Variants in SPATA6 observed in about 807,000 individuals in gnomAD.
SPATA6 encodes spermatogenesis-associated protein 6.
SPATA6 carries 56 observed loss-of-function variants against 65.3 expected under a neutral mutation model. The ratio of observed to expected loss-of-function variants is 0.86; its 90% CI spans 0.69 to 1.07. SPATA6 has a LOEUF of 1.07. SPATA6 is among the 50% of genes least tolerant of loss of function. SPATA6 has a pLI of 0.00. For missense variants in SPATA6, 590 were observed against 594.8 expected, an observed-to-expected ratio of 0.99 and a Z score of 0.08; for synonymous variants, 199 against 213.2, an observed-to-expected ratio of 0.93 and a Z score of 0.58.
chr1:48,386,505 T>G (rs770367755), intron 8 of SPATA6, among the ~76,000 whole-genome samples: 15 of 152,186 alleles, frequency 9.9e-5, no homozygotes, highest in Non-Finnish European at 1.8e-4. Context: ...ATTGAATAGA[T>G]CAGCCAATAG....
chr1:48,367,108 G>T (rs536550758), intron 9 of SPATA6, among the ~76,000 whole-genome samples: 1 of 152,156 alleles, frequency 6.6e-6, no homozygotes, highest in Non-Finnish European at 1.5e-5. Context: ...GAGTGGTTTT[G>T]AGTGAGTTTC....
chr1:48,411,768 C>CT (rs1652257309), intron 4 of SPATA6, among the ~76,000 whole-genome samples, 180 bp from the exon 5 acceptor site: 1 of 151,956 alleles, frequency 6.6e-6, no homozygotes, highest in Non-Finnish European at 1.5e-5. Context: ...ACACATTTTC[C>CT]TTTTTCAGAA....
the SPATA6 span, among the ~76,000 whole-genome samples, chr1:48,281,010 G>T: frequency 6.6e-6 from 1 of 151,836 alleles, no homozygotes; most frequent in South Asian, 2.1e-4. Context: ...TCATCCCTGG[G>T]ATGCAAGGCT....
intron 9 of SPATA6, among the ~76,000 whole-genome samples, chr1:48,381,663 T>A (rs1352992311): frequency 7.1e-6 from 1 of 141,274 alleles, no homozygotes; most frequent in Admixed American, 7.1e-5. Flanking sequence ...TTTTTTTTTT[T>A]ATATGAATAG....
At chr1:48,373,734 T>C (rs886656545) in intron 9 of SPATA6, among the ~76,000 whole-genome samples, 2 of 152,166 alleles carry the variant, frequency 1.3e-5, no homozygotes, top group African/African-American at 2.4e-5. Flanking sequence ...ACTTCTTACA[T>C]GGCGGCAGCA....
chr1:48,457,012 C>T (rs1329724861), intron 1 of SPATA6, among the ~76,000 whole-genome samples: 1 of 152,176 alleles, frequency 6.6e-6, no homozygotes, highest in Non-Finnish European at 1.5e-5. Context: ...GGGAGGATAA[C>T]TTGAGGCCAG....
At chr1:48,414,723 A>G (rs1052705995) in intron 3 of SPATA6, among the ~76,000 whole-genome samples, 1 of 152,194 alleles carries the variant, frequency 6.6e-6, no homozygotes, top group Non-Finnish European at 1.5e-5. Flanking sequence ...TTACATTACT[A>G]AAAGCTCTTT....
intron 9 of SPATA6, among the ~76,000 whole-genome samples, chr1:48,375,763 A>C (rs1038319915): frequency 2.6e-5 from 4 of 152,144 alleles, no homozygotes; most frequent in African/African-American, 7.2e-5. Flanking sequence ...AGCTTCCTAC[A>C]TGTATACATA....
the SPATA6 span, among the ~76,000 whole-genome samples, chr1:48,287,012 C>T: frequency 7.2e-4 from 103 of 144,056 alleles, no homozygotes; most frequent in African/African-American, 2.6e-3. Context: ...GCACTCTTGC[C>T]TGGGTAACAA....
intron 5 of SPATA6, among the ~76,000 whole-genome samples, chr1:48,408,839 G>A (rs751349292): frequency 2.6e-5 from 4 of 152,084 alleles, no homozygotes; most frequent in Non-Finnish European, 4.4e-5. Flanking sequence ...TGAGAACAGC[G>A]TGAGAAAGAC....
At chr1:48,388,072 T>C (rs1292836131) in intron 8 of SPATA6, among the ~76,000 whole-genome samples, 1 of 151,922 alleles carries the variant, frequency 6.6e-6, no homozygotes, top group Non-Finnish European at 1.5e-5. Context: ...TGCACACCAC[T>C]CTGGAGCCCA....
intron 9 of SPATA6, among the ~76,000 whole-genome samples, chr1:48,366,080 A>C (rs1201575921): frequency 6.6e-6 from 1 of 152,166 alleles, no homozygotes; most frequent in Non-Finnish European, 1.5e-5. Flanking sequence ...GGTTCTGTTT[A>C]TATGCTGAAT....
chr1:48,394,706 C>CA (rs1341488783), intron 8 of SPATA6, among the ~76,000 whole-genome samples: 1 of 151,838 alleles, frequency 6.6e-6, no homozygotes, highest in Non-Finnish European at 1.5e-5. Context: ...ATGACTTTCT[C>CA]AGTATGTAGT....
the SPATA6 span, among the ~76,000 whole-genome samples, chr1:48,288,817 G>A: frequency 1.3e-5 from 2 of 152,232 alleles, no homozygotes; most frequent in South Asian, 2.1e-4. Flanking sequence ...CACCATTGCT[G>A]AGGCTTGAGT....
Position 48,472,149 on chromosome 1 carries a change from C to A in SPATA6, c.-141G>T. ...TGGCCCCCAGGCCGGGGCCCGCGGT[C>A]CAGCCTGGGTTCCGCCGGAGAAGCA... On this transcript the variant is annotated 5_prime_UTR_variant, in exon 1 of 13. Transcript: ENST00000371847. The A allele has an allele frequency of 1.6e-6, 1 of 634,436 alleles. No individual in the cohort carries two copies. Among genetic ancestry groups the A allele is most frequent in the East Asian group, 3.4e-5 (1 of 29,806 alleles). The allele number at this position is 634,436 out of a possible 1,614,324, so 39.3% of individuals were successfully genotyped here. A position where few individuals can be genotyped will look rare whatever the true frequency, so the allele number is the denominator to read the frequency against.
intron 8 of SPATA6, among the ~76,000 whole-genome samples, chr1:48,389,088 G>A (rs1481281187): frequency 6.6e-6 from 1 of 151,978 alleles, no homozygotes; most frequent in African/African-American, 2.4e-5. Flanking sequence ...CAAGTGATCT[G>A]CCTGCCTCGG....
At chr1:48,445,659 CAAAAAAAAAAAAAA>C (rs10632587) in intron 3 of SPATA6, among the ~76,000 whole-genome samples, 2 of 51,288 alleles carry the variant, frequency 3.9e-5, no homozygotes, top group African/African-American at 1.2e-4. Context: ...GACTCTGTCT[CAAAAAAAAAAAAAA>C]AAAAAAAAAA....
intron 11 of SPATA6, among the ~76,000 whole-genome samples, chr1:48,310,866 A>G (rs1287079074): frequency 1.3e-5 from 2 of 152,224 alleles, no homozygotes; most frequent in Non-Finnish European, 2.9e-5. Flanking sequence ...AACTGAAATC[A>G]TACAAAATAT....
At chr1:48,300,537 A>C (rs1221521719) in intron 12 of SPATA6, among the ~76,000 whole-genome samples, 2 of 152,180 alleles carry the variant, frequency 1.3e-5, no homozygotes, top group Non-Finnish European at 2.9e-5. Flanking sequence ...ATTACAAAAA[A>C]TTAAAGATAT....
Sources: allele counts gnomAD v4.1 joint callset (sites outside exome capture counted in the v4.1 genomes callset), GRCh38; gene constraint gnomAD v4.1.1; transcripts MANE v1.5; gene names NCBI Gene and HGNC (gene_info 2026-07-23, HGNC 2026-07-21).